The following CSMD1 variants were observed in gnomAD, a reference collection of about 807,000 sequenced individuals.
CSMD1 encodes CUB and Sushi multiple domains 1.
CSMD1 carries 213 observed loss-of-function variants against 417.5 expected under a neutral mutation model. That is an observed-to-expected ratio of 0.51 (90% CI 0.46 to 0.57). CSMD1 has a LOEUF of 0.57. CSMD1 is among the 20% of genes least tolerant of loss of function. The pLI, the probability that CSMD1 is intolerant of heterozygous loss-of-function variation, is 0.00. For synonymous variants in CSMD1, 2,862 were observed against 1,736.8 expected (o/e 1.65, Z -16.11); for missense variants, 6,923 against 4,529.7 (o/e 1.53, Z -15.17).
chr8:3,352,521 C>G (rs1022307604), intron 21 of CSMD1, among the ~76,000 whole-genome samples: 1 of 152,078 alleles, frequency 6.6e-6, no homozygotes, highest in Admixed American at 6.6e-5. Context: ...CTATTTGTCA[C>G]TTACACAGTG....
At chr8:4,103,247 G>A (rs1163230515) in intron 3 of CSMD1, among the ~76,000 whole-genome samples, 3 of 110,294 alleles carry the variant, frequency 2.7e-5, no homozygotes, top group Admixed American at 1.1e-4. Context: ...CTATACTGAT[G>A]ATCAGTGTAT....
chr8:4,363,788 G>A (rs566061049), intron 3 of CSMD1, among the ~76,000 whole-genome samples: 2 of 152,250 alleles, frequency 1.3e-5, no homozygotes, highest in East Asian at 1.9e-4. Flanking sequence ...CTATGTATAT[G>A]TATCTCATTT....
At chr8:4,073,714 G>A (rs1047807888) in intron 3 of CSMD1, among the ~76,000 whole-genome samples, 2 of 152,098 alleles carry the variant, frequency 1.3e-5, no homozygotes, top group East Asian at 1.9e-4. Context: ...TGCAAATATT[G>A]ACTTGTATAG....
chr8:3,441,417 A>C (rs1238948238), intron 12 of CSMD1, among the ~76,000 whole-genome samples: 1 of 151,988 alleles, frequency 6.6e-6, no homozygotes, highest in Non-Finnish European at 1.5e-5. Context: ...TTAATAAATG[A>C]CATTGATTTT....
At chr8:3,790,335 G>C (rs938613173) in intron 5 of CSMD1, among the ~76,000 whole-genome samples, 3 of 152,038 alleles carry the variant, frequency 2.0e-5, no homozygotes, top group Non-Finnish European at 2.9e-5. Context: ...GTATAATGAT[G>C]GTGATGGTGA....
chr8:4,787,759 T>C, intron 1 of CSMD1: 3 of 1,587,836 alleles, frequency 1.9e-6, no homozygotes, highest in Non-Finnish European at 2.6e-6. Context: ...TGCTGCAAAA[T>C]TTTGCTTCGC....
chr8:4,964,386 G>A (rs1048147926), intron 1 of CSMD1, among the ~76,000 whole-genome samples: 15 of 150,714 alleles, frequency 1.0e-4, no homozygotes, highest in African/African-American at 3.4e-4. Context: ...GGGTCTAGTG[G>A]CATGCACCTG....
intron 5 of CSMD1, among the ~76,000 whole-genome samples, chr8:3,920,884 T>C (rs1444471926): frequency 1.3e-5 from 2 of 152,184 alleles, no homozygotes; most frequent in Non-Finnish European, 2.9e-5. Flanking sequence ...TAGTGTTTTG[T>C]TGAGAATTTT....
rs34836566 is a variant in CSMD1 at position 4,738,903 on chromosome 8, T to TTGTGTGTGTGTGTGTGTGTGTGTG, written c.86-101346_86-101345insCACACACACACACACACACACACA. ...CTATTATACTTAAAATTCTGTGTGT[T>TTGTGTGTGTGTGTGTGTGTGTGTG]TGTGTGTGTGTGTGTGTGTATGTGT... On this transcript the variant is annotated intron_variant, in intron 1 of 69. Coordinates refer to ENST00000635120, the MANE Select transcript of CSMD1 (RefSeq NM_033225.6). 3.2e-3 allele frequency among the ~76,000 whole-genome samples: 467 copies of TTGTGTGTGTGTGTGTGTGTGTGTG among 147,490 alleles called. 6 individuals are homozygous for TTGTGTGTGTGTGTGTGTGTGTGTG. The highest frequency in any genetic ancestry group is 7.1e-3 in the Middle Eastern group (2 of 280).
At chr8:3,143,254 C>T (rs1051227666) in intron 40 of CSMD1, among the ~76,000 whole-genome samples, 3 of 152,188 alleles carry the variant, frequency 2.0e-5, no homozygotes, top group African/African-American at 7.2e-5. Flanking sequence ...ACTGGACGGT[C>T]ATACCATAGC....
At chr8:4,520,246 G>C (rs1475706930) in intron 2 of CSMD1, among the ~76,000 whole-genome samples, 1 of 152,054 alleles carries the variant, frequency 6.6e-6, no homozygotes, top group Non-Finnish European at 1.5e-5. Flanking sequence ...CTGGGCTTTT[G>C]GGATTTCACA....
chr8:4,078,890 A>T lies in CSMD1; in HGVS notation c.416-46791T>A, dbSNP rs1799969829. On this transcript the variant is annotated intron_variant, in intron 3 of 69. Transcript: ENST00000635120. ...GTCTCTACTAAAATTAATAATAATAATAATAAATATATATATATATATATA... is the reference window on the plus strand; with the variant it reads ...GTCTCTACTAAAATTAATAATAATATTAATAAATATATATATATATATATA... Among the ~76,000 whole-genome samples, 2 of 115,726 alleles carry T rather than the reference A, an allele frequency of 1.7e-5. 1 individual carries two copies. The highest frequency in any genetic ancestry group is 1.8e-4 in the Admixed American group (2 of 10,974). The allele number at this position is 115,726 out of a possible 152,430, so 75.9% of individuals were successfully genotyped here.
At chr8:3,231,209 T>C (rs1798815291) in intron 26 of CSMD1, among the ~76,000 whole-genome samples, 2 of 152,188 alleles carry the variant, frequency 1.3e-5, no homozygotes, top group African/African-American at 2.4e-5. Context: ...GAAAGATAGG[T>C]ACTCCTGAAA....
At chr8:3,718,929 C>T (rs1419313815) in intron 6 of CSMD1, among the ~76,000 whole-genome samples, 1 of 152,026 alleles carries the variant, frequency 6.6e-6, no homozygotes, top group Non-Finnish European at 1.5e-5. Flanking sequence ...TAAACCTTTT[C>T]CCTCCAAACA....
chr8:3,025,459 A>G (rs1364536130), intron 51 of CSMD1, among the ~76,000 whole-genome samples: 1 of 152,094 alleles, frequency 6.6e-6, no homozygotes, highest in Non-Finnish European at 1.5e-5. Flanking sequence ...TGTTCTTCTG[A>G]AACTGTGTAT....
At chr8:4,806,574 A>G (rs994297549) in intron 1 of CSMD1, among the ~76,000 whole-genome samples, 2 of 152,216 alleles carry the variant, frequency 1.3e-5, no homozygotes, top group Admixed American at 6.5e-5. Flanking sequence ...AATCTTGACG[A>G]TAATCATATT....
intron 49 of CSMD1, among the ~76,000 whole-genome samples, chr8:3,069,840 G>T (rs997312336): frequency 2.7e-4 from 41 of 152,186 alleles, no homozygotes; most frequent in African/African-American, 9.2e-4. Context: ...TCTCTGTGAG[G>T]GCTCTGCACC....
chr8:4,636,608 T>C (rs1802827426), intron 2 of CSMD1, among the ~76,000 whole-genome samples: 1 of 152,214 alleles, frequency 6.6e-6, no homozygotes, highest in Non-Finnish European at 1.5e-5. Flanking sequence ...AAAACAATGG[T>C]GTATTATAAT....
intron 42 of CSMD1, 47 bp from the exon 43 acceptor site, chr8:3,110,382 G>A: frequency 6.7e-7 from 1 of 1,496,964 alleles, no homozygotes; most frequent in Non-Finnish European, 8.9e-7. Context: ...GCTGATTTTA[G>A]AGAGTAGAAA....
Sources: allele counts gnomAD v4.1 joint callset (sites outside exome capture counted in the v4.1 genomes callset), GRCh38; gene constraint gnomAD v4.1.1; transcripts MANE v1.5; gene names NCBI Gene and HGNC (gene_info 2026-07-23, HGNC 2026-07-21).